The following RSF1 variants were observed in gnomAD, a reference collection of about 807,000 sequenced individuals.
RSF1 encodes the protein HBV pX-associated protein 8.
Under a neutral mutation model 145.2 loss-of-function variants are expected in RSF1, and 13 were observed. That is an observed-to-expected ratio of 0.09 (90% CI 0.06 to 0.14). RSF1 has a LOEUF of 0.14. Among genes scored for constraint, RSF1 ranks in the 10% least tolerant of loss-of-function variants. The probability of loss-of-function intolerance (pLI) is 1.00; values close to 1 mark genes in which losing one functional copy is unlikely to be tolerated. For missense variants in RSF1, 1,517 were observed against 1,718.2 expected (o/e 0.88, Z 2.07); for synonymous variants, 577 against 592.6 (o/e 0.97, Z 0.38).
intron 2 of RSF1, 110 bp from the exon 3 acceptor site, chr11:77,747,238 T>TA (rs750411218): frequency 4.2e-5 from 27 of 648,304 alleles, no homozygotes; most frequent in Non-Finnish European, 7.1e-5. Context: ...GGAAAGAGGT[T>TA]ACACTAAACA....
At chr11:77,768,196 T>C (rs1948246073) in intron 1 of RSF1, among the ~76,000 whole-genome samples, 1 of 145,716 alleles carries the variant, frequency 6.9e-6, no homozygotes, top group Admixed American at 7.1e-5. Flanking sequence ...AGAGTCTCGT[T>C]CTGTCACCCA....
At chr11:77,679,424 G>A (rs1408277841) in intron 11 of RSF1, among the ~76,000 whole-genome samples, 7 of 152,156 alleles carry the variant, frequency 4.6e-5, no homozygotes, top group Non-Finnish European at 1.5e-5. Context: ...TGTAATCTCA[G>A]CACTTTGGGA....
intron 5 of RSF1, among the ~76,000 whole-genome samples, chr11:77,722,546 T>C (rs1418578281): frequency 2.0e-5 from 3 of 152,200 alleles, no homozygotes; most frequent in African/African-American, 7.2e-5. Context: ...AGTACTACTC[T>C]AGACCACTTT....
chr11:77,685,470 A>G (rs1959979287), intron 9 of RSF1, among the ~76,000 whole-genome samples: 1 of 152,042 alleles, frequency 6.6e-6, no homozygotes, highest in Admixed American at 6.6e-5. Flanking sequence ...TAATTTTTGT[A>G]TTTTTAGTAG....
intron 5 of RSF1, among the ~76,000 whole-genome samples, chr11:77,710,176 C>G (rs1960645405): frequency 6.6e-6 from 1 of 151,612 alleles, no homozygotes; most frequent in African/African-American, 2.4e-5. Flanking sequence ...AAATTGTTGA[C>G]AAGTAAAAAT....
intron 12 of RSF1, 34 bp downstream of exon 12, chr11:77,678,052 G>A (rs778050002): frequency 3.4e-5 from 53 of 1,543,010 alleles, no homozygotes; most frequent in Non-Finnish European, 4.7e-5. Context: ...TCTTGGCAGA[G>A]TTCTATGAAG....
intron 1 of RSF1, among the ~76,000 whole-genome samples, chr11:77,815,193 T>G (rs1948770461): frequency 6.6e-6 from 1 of 152,240 alleles, no homozygotes; most frequent in African/African-American, 2.4e-5. Flanking sequence ...CAAAAATGTT[T>G]AAAAGTTAGC....
upstream of RSF1, chr11:77,820,784 G>A: frequency 6.8e-7 from 1 of 1,465,766 alleles, no homozygotes. Context: ...GGATGGCAAG[G>A]CAACCTTACA....
At chr11:77,741,435 T>G (rs991672578) in intron 3 of RSF1, among the ~76,000 whole-genome samples, 20 of 152,032 alleles carry the variant, frequency 1.3e-4, no homozygotes, top group African/African-American at 4.8e-4. Flanking sequence ...CCCAGCTATT[T>G]AGGGGGCTGG....
intron 5 of RSF1, among the ~76,000 whole-genome samples, chr11:77,715,415 C>A (rs1960784135): frequency 6.6e-6 from 1 of 152,066 alleles, no homozygotes; most frequent in African/African-American, 2.4e-5. Flanking sequence ...ATTAGTCTCC[C>A]TATACTTGTT....
intron 1 of RSF1, 68 bp downstream of exon 1, chr11:77,820,460 C>A: frequency 6.8e-7 from 1 of 1,474,878 alleles, no homozygotes; most frequent in Non-Finnish European, 9.1e-7. Context: ...ACCGGGGCGC[C>A]TGTGAAGAGC....
At chr11:77,751,606 G>C (rs1375318105) in intron 2 of RSF1, among the ~76,000 whole-genome samples, 2 of 152,226 alleles carry the variant, frequency 1.3e-5, no homozygotes, top group African/African-American at 4.8e-5. Context: ...CTGTGAGAGG[G>C]CAGATGCCTA....
At chr11:77,751,047 C>T (rs1948057344) in intron 2 of RSF1, among the ~76,000 whole-genome samples, 2 of 152,070 alleles carry the variant, frequency 1.3e-5, no homozygotes, top group South Asian at 4.1e-4. Flanking sequence ...TCTTTTCCTC[C>T]TAACCTCTAC....
upstream of RSF1, chr11:77,821,103 C>CCTCGG: frequency 2.2e-6 from 1 of 446,690 alleles, no homozygotes; most frequent in East Asian, 3.5e-5. Flanking sequence ...GGGGGCGGGG[C>CCTCGG]CTCGGGCGCT....
the RSF1 span, among the ~76,000 whole-genome samples, chr11:77,863,106 T>C: frequency 6.6e-6 from 1 of 152,136 alleles, no homozygotes; most frequent in Non-Finnish European, 1.5e-5. Flanking sequence ...AGGAATGGAA[T>C]CTTGGGCCAT....
At chr11:77,734,760 T>A in intron 4 of RSF1, 1 of 1,576,026 alleles carries the variant, frequency 6.3e-7, no homozygotes, top group Admixed American at 1.7e-5. Flanking sequence ...CATCACAGTC[T>A]GGTTTTTTGA....
chr11:77,801,193 C>G (rs543354048), intron 1 of RSF1, among the ~76,000 whole-genome samples: 1 of 152,178 alleles, frequency 6.6e-6, no homozygotes, highest in East Asian at 1.9e-4. Flanking sequence ...TTTGGGACAC[C>G]AAGGTGGCTG....
chr11:77,813,733 G>T, intron 1 of RSF1: 1 of 370,598 alleles, frequency 2.7e-6, no homozygotes, highest in South Asian at 2.3e-5. Context: ...ACAGTAGTGA[G>T]TAAGGAGCAG....
Position 77,676,999 on chromosome 11 carries a change from C to G in RSF1, c.3134G>C (p.Gly1045Ala), listed in dbSNP as rs1256807449. 1.2e-6 allele frequency: 2 copies of G among 1,606,892 alleles called. No individual in the cohort carries two copies. Among genetic ancestry groups the G allele is most frequent in the Non-Finnish European group, 1.7e-6 (2 of 1,176,046 alleles). The change falls in exon 13 of 16, where the codon GGA becomes GCA. Residue 1045 changes from glycine to alanine, a missense_variant and splice_region_variant. By Grantham distance (60) the Gly-to-Ala change is moderately conservative. Transcript: ENST00000308488. ...EDDIKEADGG[G>A]VGRGKDISTI... ...GGAGATATCTTTTCCTCGGCCAACT[C>G]CTGAATTTGGGGGAGGGAAGTTCGG...
Sources: allele counts gnomAD v4.1 joint callset (sites outside exome capture counted in the v4.1 genomes callset), GRCh38; gene constraint gnomAD v4.1.1; transcripts MANE v1.5; gene names NCBI Gene and HGNC (gene_info 2026-07-23, HGNC 2026-07-21).